The following CPS1 variants were observed in gnomAD, a reference collection of about 807,000 sequenced individuals.
CPS1 encodes the protein carbamoyl-phosphate synthase [ammonia], mitochondrial.
CPS1 carries 109 observed loss-of-function variants against 174.6 expected under a neutral mutation model. The ratio of observed to expected loss-of-function variants is 0.62; its 90% CI spans 0.53 to 0.73. The LOEUF (loss-of-function observed/expected upper bound fraction) is 0.73, where lower values mean the gene tolerates loss of function less well. CPS1 is among the 30% of genes least tolerant of loss of function. CPS1 has a pLI of 0.00. For missense variants in CPS1, 1,689 were observed against 1,821.9 expected, an observed-to-expected ratio of 0.93 and a Z score of 1.33; for synonymous variants, 637 against 632.0, an observed-to-expected ratio of 1.01 and a Z score of -0.12.
chr2:210,577,484 T>G lies in CPS1; in HGVS notation c.445T>G (p.Leu149Val). Reference sequence around the variant, plus strand: ...CAACCACTGGCTGGCTACCAAGAGTTTAGGGCAATGGCTACAGGAAGAAAA... The same window carrying G: ...CAACCACTGGCTGGCTACCAAGAGTGTAGGGCAATGGCTACAGGAAGAAAA... ...DYNHWLATKS[L>V]GQWLQEEKVP... is the part of the protein sequence containing the mutation. The change falls in exon 4 of 38, where the codon TTA (leucine) becomes GTA (valine). Residue 149 changes from leucine (L) to valine (V), a missense_variant. Transcript: ENST00000233072. 1 of 1,613,726 alleles carries G rather than the reference T, an allele frequency of 6.2e-7. No individual in the cohort carries two copies. Among genetic ancestry groups the G allele is most frequent in the Non-Finnish European group, 8.5e-7 (1 of 1,179,800 alleles).
chr2:210,658,799 C>T (rs1320469091), intron 31 of CPS1, 111 bp downstream of exon 31: 15 of 779,254 alleles, frequency 1.9e-5, no homozygotes, highest in South Asian at 1.0e-4. Context: ...CAACTGAGAC[C>T]CCTGGATCTG....
intron 1 of CPS1, among the ~76,000 whole-genome samples, chr2:210,491,616 T>C (rs1172570308): frequency 1.3e-5 from 2 of 152,072 alleles, no homozygotes; most frequent in Non-Finnish European, 2.9e-5. Flanking sequence ...CCTGGACATG[T>C]TTGTTTTTTT....
intron 1 of CPS1, among the ~76,000 whole-genome samples, chr2:210,569,343 C>T (rs1246862124): frequency 1.3e-5 from 2 of 151,728 alleles, no homozygotes; most frequent in East Asian, 3.9e-4. Context: ...GACATCTAAG[C>T]CAAGAGGAAG....
intron 1 of CPS1, among the ~76,000 whole-genome samples, chr2:210,542,116 A>G (rs976632910): frequency 1.3e-5 from 2 of 152,068 alleles, no homozygotes; most frequent in African/African-American, 4.8e-5. Flanking sequence ...TACCATTATA[A>G]TCATTCCTTT....
chr2:210,498,830 C>T (rs772645728), intron 1 of CPS1, among the ~76,000 whole-genome samples: 25 of 151,878 alleles, frequency 1.6e-4, no homozygotes, highest in Middle Eastern at 3.4e-3. Flanking sequence ...ACAATCTCTG[C>T]ACAGATAGGG....
chr2:210,571,064 C>G (rs753978297), intron 1 of CPS1, among the ~76,000 whole-genome samples: 1 of 151,844 alleles, frequency 6.6e-6, no homozygotes, highest in Non-Finnish European at 1.5e-5. Flanking sequence ...AGCTGATTTC[C>G]TGGATACAGA....
At chr2:210,522,843 G>A (rs1282017079) in intron 1 of CPS1, among the ~76,000 whole-genome samples, 4 of 151,822 alleles carry the variant, frequency 2.6e-5, no homozygotes, top group Non-Finnish European at 5.9e-5. Context: ...CTTATGAGCA[G>A]GTAAAAGTAC....
At chr2:210,577,571 T>C (rs1697755866) in intron 4 of CPS1, 61 bp downstream of exon 4, 3 of 1,205,744 alleles carry the variant, frequency 2.5e-6, no homozygotes, top group South Asian at 2.4e-5. Flanking sequence ...TGCCTGTAGA[T>C]TCAGAAGTGC....
intron 1 of CPS1, among the ~76,000 whole-genome samples, chr2:210,484,393 G>C (rs1473720085): frequency 2.0e-5 from 3 of 152,160 alleles, no homozygotes; most frequent in Non-Finnish European, 4.4e-5. Context: ...ACATGACAAG[G>C]AGCTTACACT....
intron 37 of CPS1, 78 bp from the exon 38 acceptor site, chr2:210,677,809 T>C: frequency 8.7e-7 from 1 of 1,152,146 alleles, no homozygotes; most frequent in South Asian, 1.2e-5. Context: ...GGACAGACAC[T>C]TGTGACTTTT....
intron 1 of CPS1, among the ~76,000 whole-genome samples, chr2:210,534,272 G>T (rs1341463321): frequency 2.0e-5 from 3 of 152,192 alleles, no homozygotes; most frequent in Non-Finnish European, 4.4e-5. Flanking sequence ...TGGATGTTCT[G>T]CTCCCTTCTG....
intron 1 of CPS1, among the ~76,000 whole-genome samples, chr2:210,507,603 AC>A (rs1695325867): frequency 6.6e-6 from 1 of 151,428 alleles, no homozygotes; most frequent in Non-Finnish European, 1.5e-5. Context: ...AAGAGTCAAG[AC>A]CCATCAGTGT....
At chr2:210,529,218 A>G (rs1452496741) in intron 1 of CPS1, among the ~76,000 whole-genome samples, 6 of 151,900 alleles carry the variant, frequency 3.9e-5, no homozygotes, top group African/African-American at 7.2e-5. Flanking sequence ...TCATTTTTCA[A>G]TCTCCTAAGG....
At chr2:210,651,906 C>T (rs62203741) in intron 28 of CPS1, among the ~76,000 whole-genome samples, 13,013 of 152,192 alleles carry the variant, frequency 0.086, 700 homozygotes, top group East Asian at 0.27. Context: ...AAGATATGGT[C>T]TCTACTGTCA....
chr2:210,545,786 C>T (rs545970289), intron 1 of CPS1, among the ~76,000 whole-genome samples: 1 of 152,068 alleles, frequency 6.6e-6, no homozygotes, highest in African/African-American at 2.4e-5. Flanking sequence ...ACCTTTTAGC[C>T]AGTATTGGCT....
At chr2:210,502,424 TA>T (rs1296735765) in intron 1 of CPS1, among the ~76,000 whole-genome samples, 2 of 145,868 alleles carry the variant, frequency 1.4e-5, no homozygotes, top group African/African-American at 4.9e-5. Context: ...AATATATATA[TA>T]AAAGAGAGAT....
rs1698859008 is a variant in CPS1, at chr2:210,605,118, A to G, written c.1853A>G (p.Asn618Ser). 3 of 1,611,934 alleles carry G rather than the reference A, an allele frequency of 1.9e-6. No homozygotes were observed. Among genetic ancestry groups the G allele is most frequent in the Non-Finnish European group, 8.5e-7 (1 of 1,178,610 alleles). ...AATTTCTAGGCCTTTGCTATGACCA[A>G]CCAAATTCTGGTGGAGAAGTCAGTG... is the stretch of plus-strand genomic sequence containing the variant. ...DLSTKAFAMT[N>S]QILVEKSVTG... Residue 618 changes from asparagine to serine, a missense_variant, in exon 17 of 38, where the codon AAC becomes AGC. Coordinates refer to ENST00000233072, the MANE Select transcript of CPS1 (RefSeq NM_001875.5).
chr2:210,598,445 G>C (rs1461198155), intron 13 of CPS1, among the ~76,000 whole-genome samples: 1 of 151,698 alleles, frequency 6.6e-6, no homozygotes, highest in Non-Finnish European at 1.5e-5. Flanking sequence ...AAACCCAATG[G>C]TATGCTGTCT....
chr2:210,485,479 G>C (rs1397240359), intron 1 of CPS1, among the ~76,000 whole-genome samples: 1 of 152,044 alleles, frequency 6.6e-6, no homozygotes, highest in Non-Finnish European at 1.5e-5. Flanking sequence ...CTGATCTGCT[G>C]TCTGAAAATA....
Sources: allele counts gnomAD v4.1 joint callset (sites outside exome capture counted in the v4.1 genomes callset), GRCh38; gene constraint gnomAD v4.1.1; transcripts MANE v1.5; gene names NCBI Gene and HGNC (gene_info 2026-07-23, HGNC 2026-07-21).